The following TENM2 variants were observed in gnomAD, a reference collection of about 807,000 sequenced individuals.
The protein encoded by TENM2 is teneurin-2.
TENM2 carries 52 observed loss-of-function variants against 245.2 expected under a neutral mutation model. That is an observed-to-expected ratio of 0.21 (90% CI 0.17 to 0.27). The LOEUF (loss-of-function observed/expected upper bound fraction) is 0.27, where lower values mean the gene tolerates loss of function less well. Ranked by LOEUF, TENM2 falls within the 10% of genes least tolerant of loss-of-function variation. TENM2 has a pLI of 1.00. For missense variants in TENM2, 3,046 were observed against 3,666.8 expected (o/e 0.83, Z 4.37); for synonymous variants, 1,363 against 1,438.9 (o/e 0.95, Z 1.19).
chr5:167,009,421 A>T, the TENM2 span, among the ~76,000 whole-genome samples: 1 of 152,236 alleles, frequency 6.6e-6, no homozygotes, highest in Non-Finnish European at 1.5e-5. Context: ...TACTGCTCAA[A>T]ATAAATAAAT....
At chr5:168,249,057 T>G (rs1487521640) in intron 27 of TENM2, among the ~76,000 whole-genome samples, 1 of 151,496 alleles carries the variant, frequency 6.6e-6, no homozygotes, top group Non-Finnish European at 1.5e-5. Flanking sequence ...AAAGCAGAGG[T>G]TGCAGTGAGT....
chr5:167,729,377 C>A (rs1252849400), intron 2 of TENM2, among the ~76,000 whole-genome samples: 1 of 152,196 alleles, frequency 6.6e-6, no homozygotes, highest in Non-Finnish European at 1.5e-5. Flanking sequence ...GTGTTAGTAA[C>A]TGCTTTTTAA....
At chr5:168,192,976 C>A (rs1761086680) in intron 14 of TENM2, among the ~76,000 whole-genome samples, 1 of 152,168 alleles carries the variant, frequency 6.6e-6, no homozygotes, top group South Asian at 2.1e-4. Context: ...TTATCTTATT[C>A]TCCTCATCAA....
At chr5:168,004,503 G>A (rs1050026581) in intron 5 of TENM2, among the ~76,000 whole-genome samples, 4 of 92,464 alleles carry the variant, frequency 4.3e-5, no homozygotes, top group Non-Finnish European at 6.3e-5. Context: ...TGGGATGCAC[G>A]CATGCGCGCG....
chr5:167,422,006 G>T (rs1763536105), intron 2 of TENM2, among the ~76,000 whole-genome samples: 1 of 152,094 alleles, frequency 6.6e-6, no homozygotes, highest in African/African-American at 2.4e-5. Flanking sequence ...TGGCCAGGCT[G>T]GTCTTGAACT....
chr5:167,017,797 C>T, the TENM2 span, among the ~76,000 whole-genome samples: 6 of 152,192 alleles, frequency 3.9e-5, no homozygotes, highest in East Asian at 1.9e-4. Context: ...TGTCTTATTG[C>T]GTGATGCCAT....
At position 168,102,572 on chromosome 5, in the gene TENM2, G is replaced by A. The variant is rs193298464; in HGVS notation, c.1813+4445G>A. On this transcript the variant is annotated intron_variant, in intron 9 of 28. Transcript: ENST00000518659. ...GGACTTGAGCACACATAAGCCTGGC[G>A]TCTGGAGAGACTCAAGCCTTGAACA... Among the ~76,000 whole-genome samples, 38 of 152,252 alleles carry A rather than the reference G, an allele frequency of 2.5e-4. No homozygotes were observed. The East Asian group carries it at 6.6e-3, about 26-fold the overall frequency.
chr5:167,705,283 C>T (rs1758427250), intron 2 of TENM2, among the ~76,000 whole-genome samples: 1 of 152,124 alleles, frequency 6.6e-6, no homozygotes. Context: ...TTATTATCAA[C>T]ATATAACCAG....
chr5:167,406,903 A>G (rs1402780452), intron 2 of TENM2, among the ~76,000 whole-genome samples: 2 of 152,168 alleles, frequency 1.3e-5, no homozygotes, highest in Admixed American at 6.6e-5. Context: ...ACATTTGGTA[A>G]TAGACAGAAT....
At chr5:167,401,122 A>G (rs1762344882) in intron 2 of TENM2, among the ~76,000 whole-genome samples, 1 of 152,064 alleles carries the variant, frequency 6.6e-6, no homozygotes, top group South Asian at 2.1e-4. Flanking sequence ...TACAAAACCT[A>G]ACAAAGAGGA....
At chr5:167,060,105 T>C in the TENM2 span, among the ~76,000 whole-genome samples, 2 of 152,214 alleles carry the variant, frequency 1.3e-5, no homozygotes, top group African/African-American at 4.8e-5. Flanking sequence ...AATTTACTTA[T>C]GTGGCACTGC....
intron 27 of TENM2, among the ~76,000 whole-genome samples, chr5:168,254,421 A>C (rs1410135768): frequency 1.3e-5 from 2 of 151,798 alleles, no homozygotes; most frequent in African/African-American, 4.8e-5. Flanking sequence ...AATTTAAAGA[A>C]GAGGAAAGAG....
chr5:167,928,618 G>C (rs760012558), intron 3 of TENM2, among the ~76,000 whole-genome samples: 27 of 152,154 alleles, frequency 1.8e-4, no homozygotes, highest in Non-Finnish European at 3.5e-4. Flanking sequence ...TGTGGGCCAG[G>C]TGTGGTGGCT....
At chr5:167,758,546 C>T (rs577936538) in intron 2 of TENM2, among the ~76,000 whole-genome samples, 1 of 152,298 alleles carries the variant, frequency 6.6e-6, no homozygotes, top group African/African-American at 2.4e-5. Context: ...GTATCTGAGA[C>T]AGACATTCCC....
the TENM2 span, among the ~76,000 whole-genome samples, chr5:167,205,455 A>T: frequency 6.6e-6 from 1 of 152,084 alleles, no homozygotes; most frequent in Non-Finnish European, 1.5e-5. Flanking sequence ...TCTTGTTCTA[A>T]CTTCTATGTC....
chr5:167,219,371 T>C, the TENM2 span, among the ~76,000 whole-genome samples: 520 of 152,228 alleles, frequency 3.4e-3, 4 homozygotes, highest in African/African-American at 0.012. Flanking sequence ...AAAACGTGGA[T>C]ACCCCTATGT....
chr5:168,126,658 G>T, intron 11 of TENM2, 96 bp from the exon 14 acceptor site: 1 of 966,652 alleles, frequency 1.0e-6, no homozygotes, highest in South Asian at 1.7e-5. Context: ...GGGCCTCGGG[G>T]CCTGCTCCAG....
intron 1 of TENM2, among the ~76,000 whole-genome samples, chr5:167,332,595 A>G (rs1460079242): frequency 6.6e-6 from 1 of 152,152 alleles, no homozygotes; most frequent in Non-Finnish European, 1.5e-5. Flanking sequence ...TTTCATCCCC[A>G]TGAGTAGCAT....
chr5:168,009,751 T>C (rs984459257), intron 5 of TENM2, among the ~76,000 whole-genome samples: 2 of 152,262 alleles, frequency 1.3e-5, no homozygotes, highest in Non-Finnish European at 2.9e-5. Flanking sequence ...TAGATAATTA[T>C]GTCTCTTTGC....
Sources: gnomAD v4.1 joint callset for allele counts (sites outside exome capture counted in the v4.1 genomes callset) on GRCh38, gnomAD v4.1.1 for gene constraint, MANE v1.5 for transcripts, NCBI Gene and HGNC (gene_info 2026-07-23, HGNC 2026-07-21) for gene names.